The following MBNL1 variants were observed in gnomAD, a reference collection of about 807,000 sequenced individuals.
MBNL1 encodes the protein muscleblind-like protein 1.
MBNL1 carries 8 observed loss-of-function variants against 42.2 expected under a neutral mutation model. The ratio of observed to expected loss-of-function variants is 0.19; its 90% CI spans 0.11 to 0.34. MBNL1 has a LOEUF of 0.34. MBNL1 is among the 10% of genes least tolerant of loss of function. The pLI is 1.00. For missense variants in MBNL1, 309 were observed against 495.3 expected, an observed-to-expected ratio of 0.62 and a Z score of 3.57; for synonymous variants, 169 against 173.9, an observed-to-expected ratio of 0.97 and a Z score of 0.22.
At chr3:152,271,704 G>T (rs2149826843) in intron 1 of MBNL1, among the ~76,000 whole-genome samples, 1 of 152,206 alleles carries the variant, frequency 6.6e-6, no homozygotes, top group South Asian at 2.1e-4. Flanking sequence ...GAAGTGATTG[G>T]CCCAAAATAA....
chr3:152,432,966 C>CA, intron 4 of MBNL1, 46 bp downstream of exon 4: 2 of 1,526,812 alleles, frequency 1.3e-6, no homozygotes, highest in Non-Finnish European at 1.8e-6. Flanking sequence ...TTCTAATTCT[C>CA]AAAGTGTGGT....
At chr3:152,254,086 G>T (rs1035154956) in intron 2 of MBNL1, among the ~76,000 whole-genome samples, 7 of 152,048 alleles carry the variant, frequency 4.6e-5, no homozygotes, top group African/African-American at 1.4e-4. Flanking sequence ...TTAAGTAAAA[G>T]GTCTCAACAT....
chr3:152,252,954 T>A (rs185984884), intron 2 of MBNL1, among the ~76,000 whole-genome samples: 1 of 152,114 alleles, frequency 6.6e-6, no homozygotes, highest in Non-Finnish European at 1.5e-5. Context: ...AAATTTGTGG[T>A]TGGTGTCGAA....
At chr3:152,298,415 C>G (rs1032282781) in intron 1 of MBNL1, among the ~76,000 whole-genome samples, 1 of 152,202 alleles carries the variant, frequency 6.6e-6, no homozygotes, top group South Asian at 2.1e-4. Flanking sequence ...CCTCATCCCC[C>G]ACCCTCCAGC....
At chr3:152,415,160 T>C in intron 3 of MBNL1, 49 bp downstream of exon 3, 2 of 1,496,588 alleles carry the variant, frequency 1.3e-6, no homozygotes, top group African/African-American at 1.4e-5. Context: ...TTCAAAGTGC[T>C]CAGTTGTAGT....
rs561542109 is a variant in MBNL1, at chr3:152,314,452, C to T, written c.174+14085C>T. Among the ~76,000 whole-genome samples the T allele has an allele frequency of 5.9e-5, 9 of 151,872 alleles. No homozygotes were observed. In the East Asian group the frequency reaches 1.4e-3, roughly 23 times the overall value. ...GTACAATAGCGTGATCTTGGCTCAC[C>T]GCAGCCTCCACCTCCCGGGTTGAAG... On this transcript the variant is annotated intron_variant, in intron 2 of 9. Coordinates refer to ENST00000324210, the MANE Select transcript of MBNL1 (RefSeq NM_021038.5).
chr3:152,445,629 C>A, intron 5 of MBNL1, 90 bp downstream of exon 5: 1 of 1,398,178 alleles, frequency 7.2e-7, no homozygotes, highest in African/African-American at 1.4e-5. Context: ...ATTTAGTAAC[C>A]TTTTTAAAAA....
At chr3:152,382,304 G>A (rs563858787) in intron 2 of MBNL1, among the ~76,000 whole-genome samples, 77 of 152,084 alleles carry the variant, frequency 5.1e-4, no homozygotes, top group African/African-American at 1.8e-3. Context: ...AAATCGTAAT[G>A]TAAAATAATA....
At chr3:152,390,226 A>G (rs1232966298) in intron 2 of MBNL1, among the ~76,000 whole-genome samples, 1 of 151,184 alleles carries the variant, frequency 6.6e-6, no homozygotes, top group Admixed American at 6.6e-5. Flanking sequence ...ACATCTGTAC[A>G]AAAACTTTTT....
chr3:152,381,094 TTA>T (rs1388511917), intron 2 of MBNL1, among the ~76,000 whole-genome samples: 4 of 152,098 alleles, frequency 2.6e-5, no homozygotes, highest in African/African-American at 9.7e-5. Flanking sequence ...AACTAAGATT[TTA>T]TAATAGATGT....
rs145597677 is a variant in MBNL1, at chr3:152,331,147, T to C, written c.174+30780T>C. Among the ~76,000 whole-genome samples the C allele has an allele frequency of 3.0e-3, 458 of 151,920 alleles. 2 individuals are homozygous for C. Among genetic ancestry groups the C allele is most frequent in the Admixed American group, 5.3e-3 (81 of 15,222 alleles). On this transcript the variant is annotated intron_variant, in intron 2 of 9. Coordinates refer to ENST00000324210, the MANE Select transcript of MBNL1 (RefSeq NM_021038.5). Reference sequence around the variant, plus strand: ...CTGTCTTACTCCCTCGTTCCTGCTCTTCTTCTCTTTTCATACTCACACAGA... The same window carrying C: ...CTGTCTTACTCCCTCGTTCCTGCTCCTCTTCTCTTTTCATACTCACACAGA...
intron 2 of MBNL1, among the ~76,000 whole-genome samples, chr3:152,401,987 G>A (rs562047659): frequency 4.0e-5 from 6 of 150,088 alleles, no homozygotes; most frequent in Non-Finnish European, 4.4e-5. Context: ...AGCCGAGATC[G>A]CGCCACTGCA....
chr3:152,332,276 T>TAAGATGTC (rs1243008137), intron 2 of MBNL1, among the ~76,000 whole-genome samples: 2 of 152,204 alleles, frequency 1.3e-5, no homozygotes, highest in Non-Finnish European at 2.9e-5. Flanking sequence ...TCCTCACTCA[T>TAAGATGTC]AAGATGTCAA....
intron 9 of MBNL1, among the ~76,000 whole-genome samples, chr3:152,462,115 G>A (rs1747220823): frequency 6.6e-6 from 1 of 152,008 alleles, no homozygotes; most frequent in Non-Finnish European, 1.5e-5. Context: ...CCCTGATTCT[G>A]CAAATGTATT....
At chr3:152,267,734 G>A (rs931638731), upstream of MBNL1, 1 of 152,170 alleles carries the variant, frequency 6.6e-6, no homozygotes, top group African/African-American at 2.4e-5. Context: ...TCTAGCTAAA[G>A]GTCAAGAACT....
rs151238500 is a variant in MBNL1, at chr3:152,314,290, CT to C, written c.174+13934del. 7.5e-3 allele frequency among the ~76,000 whole-genome samples: 1,097 copies of C among 145,698 alleles called. 5 individuals are homozygous for C. Among genetic ancestry groups the C allele is most frequent in the African/African-American group, 9.9e-3 (391 of 39,648 alleles). ...ATCCATAATACTCTGTTTATCACAG[CT>C]TTTTTTTTTTCCCCCTTTCACTGTC... On this transcript the variant is annotated intron_variant, in intron 2 of 9. Transcript: ENST00000324210.
At chr3:152,357,145 G>A (rs189238835) in intron 2 of MBNL1, among the ~76,000 whole-genome samples, 1 of 152,146 alleles carries the variant, frequency 6.6e-6, no homozygotes, top group East Asian at 1.9e-4. Context: ...AATAAGAATA[G>A]AGAGCCCAGT....
intron 1 of MBNL1, among the ~76,000 whole-genome samples, chr3:152,272,361 T>C (rs1480206052): frequency 6.6e-6 from 1 of 152,110 alleles, no homozygotes; most frequent in African/African-American, 2.4e-5. Context: ...GAAAAACTTA[T>C]AATTAGAGAA....
At chr3:152,278,819 A>C (rs1469895978) in intron 1 of MBNL1, among the ~76,000 whole-genome samples, 1 of 152,172 alleles carries the variant, frequency 6.6e-6, no homozygotes, top group Non-Finnish European at 1.5e-5. Flanking sequence ...TTTAAAGTCA[A>C]AGGATTGTAG....
Sources: allele counts gnomAD v4.1 joint callset (sites outside exome capture counted in the v4.1 genomes callset), GRCh38; gene constraint gnomAD v4.1.1; transcripts MANE v1.5; gene names NCBI Gene and HGNC (gene_info 2026-07-23, HGNC 2026-07-21).